The following LIMS2 variants were observed in gnomAD, a reference collection of about 807,000 sequenced individuals.
LIMS2 encodes LIM and senescent cell antigen-like-containing domain protein 2.
In LIMS2, 30 loss-of-function variants were observed where a neutral mutation model predicts 45.3. The ratio of observed to expected loss-of-function variants is 0.66; its 90% confidence interval spans 0.50 to 0.90. The LOEUF is 0.90. LIMS2 is among the 40% of genes least tolerant of loss of function. The pLI is 0.00. For missense variants in LIMS2, 485 were observed against 468.7 expected (o/e 1.03, Z -0.32); for synonymous variants, 173 against 188.0 (o/e 0.92, Z 0.65).
chr2:127,649,257 G>C (rs571900523), intron 4 of LIMS2, among the ~76,000 whole-genome samples: 1 of 151,354 alleles, frequency 6.6e-6, no homozygotes, highest in Non-Finnish European at 1.5e-5. Flanking sequence ...GCAGGACCCC[G>C]GCTGTTCGGT....
At chr2:127,643,966 G>T (rs556748598) in intron 4 of LIMS2, 7 of 442,420 alleles carry the variant, frequency 1.6e-5, no homozygotes, top group Non-Finnish European at 3.2e-5. Context: ...GGGAGGATAC[G>T]GAAGAGATCC....
intron 1 of LIMS2, among the ~76,000 whole-genome samples, chr2:127,669,573 C>G (rs543693312): frequency 6.6e-6 from 1 of 152,048 alleles, no homozygotes; most frequent in Admixed American, 6.6e-5. Context: ...AAAAAAATAG[C>G]CAGGCATGGT....
At chr2:127,661,566 A>C (rs1300211724) in intron 1 of LIMS2, among the ~76,000 whole-genome samples, 1 of 152,134 alleles carries the variant, frequency 6.6e-6, no homozygotes, top group African/African-American at 2.4e-5. Flanking sequence ...CCCCCAGGAG[A>C]CACCACTACC....
intron 4 of LIMS2, chr2:127,651,139 AC>A: frequency 6.2e-7 from 1 of 1,613,222 alleles, no homozygotes; most frequent in Non-Finnish European, 8.5e-7. Flanking sequence ...GCCATTGTGC[AC>A]CCGGTCAAGT....
rs1685290620 is a variant in LIMS2 at position 127,672,009 on chromosome 2, T to C, written c.11+3005A>G. Among the ~76,000 whole-genome samples, 1 of 152,202 alleles carries C rather than the reference T, an allele frequency of 6.6e-6. No individual in the cohort carries two copies. The highest frequency in any genetic ancestry group is 1.5e-5 in the Non-Finnish European group (1 of 68,014). On this transcript the variant is annotated intron_variant, in intron 1 of 9. Transcript: ENST00000355119. The surrounding 1 kb of genome is among the most constrained non-coding windows in gnomAD (Gnocchi z 4.9). Reference sequence around the variant, plus strand: ...ATTGGTGGATATGAGGGCAGGGATCTAGCAGCCTGCTCTGCGCTGTACTAA... The same window carrying C: ...ATTGGTGGATATGAGGGCAGGGATCCAGCAGCCTGCTCTGCGCTGTACTAA...
At chr2:127,670,006 G>T (rs926921926) in intron 1 of LIMS2, among the ~76,000 whole-genome samples, 4 of 152,166 alleles carry the variant, frequency 2.6e-5, no homozygotes, top group African/African-American at 9.7e-5. Flanking sequence ...CGGGAAATTG[G>T]AACCTTCATA....
chr2:127,640,469 G>A, intron 7 of LIMS2, 151 bp from the exon 8 acceptor site: 1 of 800,372 alleles, frequency 1.2e-6, no homozygotes, highest in East Asian at 2.7e-5. Flanking sequence ...TGGGTTGAGG[G>A]CACGGCAACC....
At chr2:127,654,354 C>T in intron 4 of LIMS2, 70 bp downstream of exon 4, 1 of 1,605,230 alleles carries the variant, frequency 6.2e-7, no homozygotes, top group Non-Finnish European at 8.5e-7. Flanking sequence ...GGGTAGCACA[C>T]AGGAGAGGTG....
At position 127,647,936 on chromosome 2, in the gene LIMS2, T is replaced by C; in HGVS notation, c.360-4864A>G. ...TCACAGGCCCTGTCAAGGGCTGTGTTCCTCCCTCCTTTTACCTCTCCTCCA... is the reference window on the plus strand; with the variant it reads ...TCACAGGCCCTGTCAAGGGCTGTGTCCCTCCCTCCTTTTACCTCTCCTCCA... On this transcript the variant is annotated intron_variant, in intron 4 of 9. Transcript: ENST00000355119. This position sits in a 1 kb window ranked among gnomAD's most constrained non-coding sequence, Gnocchi z 4.3. 1.2e-6 allele frequency: 1 copy of C among 805,246 alleles called. No individual in the cohort carries two copies. Among genetic ancestry groups the C allele is most frequent in the African/African-American group, 1.9e-5 (1 of 53,956 alleles). The allele number at this position is 805,246 out of a possible 1,614,324, so 49.9% of individuals were successfully genotyped here.
At chr2:127,649,189 AAGGAAGG>A (rs1683420113) in intron 4 of LIMS2, among the ~76,000 whole-genome samples, 1 of 151,038 alleles carries the variant, frequency 6.6e-6, no homozygotes, top group Non-Finnish European at 1.5e-5. Flanking sequence ...GGAAGGAAGG[AAGGAAGG>A]AAGGAAGGAA....
At chr2:127,669,594 T>G (rs1411232699) in intron 1 of LIMS2, among the ~76,000 whole-genome samples, 2 of 152,008 alleles carry the variant, frequency 1.3e-5, no homozygotes, top group African/African-American at 4.8e-5. Flanking sequence ...GGCACACGCC[T>G]GTAGTCCCAG....
intron 4 of LIMS2, chr2:127,648,169 G>A: frequency 1.0e-6 from 1 of 985,466 alleles, no homozygotes; most frequent in Non-Finnish European, 1.2e-6. Flanking sequence ...GGGTCCCCAT[G>A]AGGAACTCCA....
chr2:127,667,784 T>C lies in LIMS2; in HGVS notation c.11+7230A>G, dbSNP rs1223470180. Among the ~76,000 whole-genome samples, 2 of 152,208 alleles carry C rather than the reference T, an allele frequency of 1.3e-5. No individual in the cohort carries two copies. Among genetic ancestry groups the C allele is most frequent in the Non-Finnish European group, 2.9e-5 (2 of 68,034 alleles). On this transcript the variant is annotated intron_variant, in intron 1 of 9. Coordinates refer to ENST00000355119, the MANE Select transcript of LIMS2 (RefSeq NM_001161403.3). This position sits in a 1 kb window ranked among gnomAD's most constrained non-coding sequence, Gnocchi z 4.1. ...TGCTTTCCTCCTAAGGTCAGGGGGA[T>C]TTCCAGTCCGCTATTTGTTTTCAAC... is the stretch of plus-strand genomic sequence containing the variant.
chr2:127,665,653 G>A lies in LIMS2; in HGVS notation c.12-8091C>T, dbSNP rs1684962630. Among the ~76,000 whole-genome samples, 3 of 152,330 alleles carry A rather than the reference G, an allele frequency of 2.0e-5. No homozygotes were observed. In the South Asian group the frequency reaches 6.2e-4, roughly 32 times the overall value. On this transcript the variant is annotated intron_variant, in intron 1 of 9. Coordinates refer to ENST00000355119, the MANE Select transcript of LIMS2 (RefSeq NM_001161403.3). ...TAGGGAATACCGCTGACTCTCTGAT[G>A]TAGGTAGCCGAATGCTTAAGAAAAC...
At chr2:127,658,546 G>A (rs544698852) in intron 1 of LIMS2, among the ~76,000 whole-genome samples, 2 of 152,310 alleles carry the variant, frequency 1.3e-5, no homozygotes, top group Admixed American at 6.5e-5. Flanking sequence ...CAGGGGAAAA[G>A]CCCACAGTGA....
intron 4 of LIMS2, among the ~76,000 whole-genome samples, chr2:127,648,963 AGGGGGGG>A (rs1683307614): frequency 4.8e-4 from 6 of 12,518 alleles, no homozygotes; most frequent in Admixed American, 1.0e-3. Flanking sequence ...AGGGGAGGGG[AGGGGGGG>A]AGGGGAGGGA....
Position 127,642,670 on chromosome 2 carries a change from T to C in LIMS2, c.509+253A>G. On this transcript the variant is annotated intron_variant, in intron 5 of 9. Transcript: ENST00000355119. The surrounding 1 kb of genome is among the most constrained non-coding windows in gnomAD (Gnocchi z 5.3). ...TCAACCCTCGTCTGCAGTCTAGGGG[T>C]CCAGCCCACCCGCCTCCTGAGTCTC... is the stretch of plus-strand genomic sequence containing the variant. The C allele has an allele frequency of 1.9e-6, 1 of 521,936 alleles. No homozygotes were observed. The highest frequency in any genetic ancestry group is 3.3e-5 in the East Asian group (1 of 30,182). 32.3% of individuals were successfully genotyped at this position (521,936 alleles called of 1,614,324 possible). A position where few individuals can be genotyped will look rare whatever the true frequency, so the allele number is the denominator to read the frequency against.
At chr2:127,675,672 G>T (rs936661074), upstream of LIMS2, among the ~76,000 whole-genome samples, 2 of 152,168 alleles carry the variant, frequency 1.3e-5, no homozygotes, top group Non-Finnish European at 2.9e-5. Context: ...CCGCAAACGC[G>T]TGCAGGAGAT....
rs1485682538 is a variant in LIMS2, at chr2:127,654,440, C to T, written c.343G>A (p.Val115Met). The change falls in exon 4 of 10, where the codon GTG (valine) becomes ATG (methionine). Residue 115 changes from valine (V) to methionine (M), a missense_variant. Transcript: ENST00000355119. ...CCACCTCACCTGCCGGCATTCTTCACAAAGCCCAGGTCAGCCAGCTCCACA... is the reference window on the plus strand; with the variant it reads ...CCACCTCACCTGCCGGCATTCTTCATAAAGCCCAGGTCAGCCAGCTCCACA... ...CDVELADLGF[V>M]KNAGRHLCRP... 3 of 1,614,014 alleles carry T rather than the reference C, an allele frequency of 1.9e-6. No individual in the cohort carries two copies. In the African/African-American group the frequency reaches 4.0e-5, roughly 22 times the overall value.
Sources: gnomAD v4.1 joint callset for allele counts (sites outside exome capture counted in the v4.1 genomes callset) on GRCh38, gnomAD v4.1.1 for gene constraint, Gnocchi (gnomAD v3.1) non-coding constraint, MANE v1.5 for transcripts, NCBI Gene and HGNC (gene_info 2026-07-23, HGNC 2026-07-21) for gene names.